PKP4: variants seen among roughly 807,000 people sequenced by gnomAD.
The protein encoded by PKP4 is plakophilin 4, also known as plakophilin-4.
In PKP4, 90 loss-of-function variants were observed where a neutral mutation model predicts 145.1. That is an observed-to-expected ratio of 0.62 (90% CI 0.52 to 0.74). The LOEUF (loss-of-function observed/expected upper bound fraction) is 0.74, where lower values mean the gene tolerates loss of function less well. Ranked by LOEUF, PKP4 falls within the 30% of genes least tolerant of loss-of-function variation. The pLI is 0.00. For missense variants in PKP4, 1,340 were observed against 1,482.7 expected (o/e 0.90, Z 1.58); for synonymous variants, 563 against 577.2 (o/e 0.98, Z 0.35).
intron 1 of PKP4, among the ~76,000 whole-genome samples, chr2:158,466,371 G>A (rs999456716): frequency 6.6e-6 from 1 of 152,074 alleles, no homozygotes; most frequent in African/African-American, 2.4e-5. Context: ...CAACTTGCTA[G>A]ATAAATAATT....
At chr2:158,582,980 T>C in intron 3 of PKP4, among the ~76,000 whole-genome samples, 1 of 152,164 alleles carries the variant, frequency 6.6e-6, no homozygotes, top group East Asian at 1.9e-4. Flanking sequence ...ATGGCTTGTG[T>C]TGCTTGTCAT....
intron 4 of PKP4, among the ~76,000 whole-genome samples, chr2:158,611,454 A>G (rs567368306): frequency 1.3e-5 from 2 of 152,348 alleles, no homozygotes; most frequent in East Asian, 3.9e-4. Flanking sequence ...GCTTTAAAAA[A>G]TAAAAATAAA....
Position 158,645,556 on chromosome 2 carries a change from G to A in PKP4, c.1909+2857G>A, listed in dbSNP as rs114127909. Among the ~76,000 whole-genome samples, 429 of 152,282 alleles carry A rather than the reference G, an allele frequency of 2.8e-3. 3 individuals are homozygous for A. The highest frequency in any genetic ancestry group is 9.7e-3 in the African/African-American group (404 of 41,570). The stretch of plus-strand genomic sequence containing the variant: ...ATAGTAACACCGTGCAGCCAGGAGG[G>A]CTGCAGTCCATCGTGTGCGCTACTC... On this transcript the variant is annotated intron_variant, in intron 11 of 21. Coordinates refer to ENST00000389759, the MANE Select transcript of PKP4 (RefSeq NM_003628.6).
At chr2:158,575,449 G>A (rs1291889966) in intron 2 of PKP4, among the ~76,000 whole-genome samples, 1 of 152,170 alleles carries the variant, frequency 6.6e-6, no homozygotes, top group East Asian at 1.9e-4. Context: ...TGTTTACAAG[G>A]TCACAGGCAG....
At chr2:158,477,737 T>A (rs1235510443) in intron 1 of PKP4, among the ~76,000 whole-genome samples, 1 of 152,138 alleles carries the variant, frequency 6.6e-6, no homozygotes, top group African/African-American at 2.4e-5. Context: ...CAACGCTACT[T>A]GGGAGGCTGA....
At chr2:158,663,242 T>A (rs1314249081) in intron 14 of PKP4, 30 bp from the exon 15 acceptor site, 1 of 1,599,804 alleles carries the variant, frequency 6.3e-7, no homozygotes, top group East Asian at 2.2e-5. Context: ...TCATTCTGCC[T>A]CCATTTAACG....
intron 1 of PKP4, among the ~76,000 whole-genome samples, chr2:158,462,041 T>A (rs989582147): frequency 6.6e-6 from 1 of 152,248 alleles, no homozygotes; most frequent in Non-Finnish European, 1.5e-5. Flanking sequence ...CAGGGTACTA[T>A]GCAGGCTTTT....
chr2:158,554,086 C>T, intron 2 of PKP4, among the ~76,000 whole-genome samples: 1 of 150,172 alleles, frequency 6.7e-6, no homozygotes, highest in South Asian at 2.1e-4. Context: ...TCAGCATTCT[C>T]CTTGCCCCCC....
chr2:158,645,080 A>C (rs1322794689), intron 11 of PKP4, among the ~76,000 whole-genome samples: 1 of 152,196 alleles, frequency 6.6e-6, no homozygotes, highest in Non-Finnish European at 1.5e-5. Flanking sequence ...TTCAAAATAC[A>C]ACATTAATAT....
At chr2:158,487,892 A>G (rs1286778766) in intron 1 of PKP4, among the ~76,000 whole-genome samples, 1 of 152,186 alleles carries the variant, frequency 6.6e-6, no homozygotes, top group Non-Finnish European at 1.5e-5. Flanking sequence ...GGGAATAAAT[A>G]TAGTCTTGAA....
intron 2 of PKP4, among the ~76,000 whole-genome samples, chr2:158,546,477 T>C (rs2045050747): frequency 1.3e-5 from 2 of 152,128 alleles, no homozygotes; most frequent in Admixed American, 6.6e-5. Flanking sequence ...TCACAAGATA[T>C]TTGGGAGTTT....
chr2:158,578,221 T>C (rs1293129721), intron 3 of PKP4: 8 of 239,684 alleles, frequency 3.3e-5, no homozygotes, highest in Non-Finnish European at 7.3e-5. Context: ...GAATTCTGTC[T>C]GTTGTTTCTG....
At chr2:158,520,110 A>G (rs776180974) in intron 1 of PKP4, among the ~76,000 whole-genome samples, 6 of 152,166 alleles carry the variant, frequency 3.9e-5, no homozygotes, top group Non-Finnish European at 8.8e-5. Context: ...GTGTTTATCA[A>G]GATAGAATTT....
At chr2:158,517,764 A>T (rs2042049009) in intron 1 of PKP4, among the ~76,000 whole-genome samples, 1 of 151,658 alleles carries the variant, frequency 6.6e-6, no homozygotes, top group South Asian at 2.1e-4. Context: ...AAAAAAAAAA[A>T]TGAAAATTAG....
intron 1 of PKP4, among the ~76,000 whole-genome samples, chr2:158,484,499 T>G (rs192127217): frequency 6.6e-6 from 1 of 152,354 alleles, no homozygotes; most frequent in Non-Finnish European, 1.5e-5. Context: ...TTCCAGGTTA[T>G]ATGCATGTTG....
chr2:158,577,506 C>G (rs779390458), intron 3 of PKP4, 123 bp downstream of exon 3: 8 of 621,600 alleles, frequency 1.3e-5, no homozygotes, highest in Non-Finnish European at 2.0e-5. Flanking sequence ...GAATTTGAAA[C>G]CAAAAATGTC....
In PKP4 at chr2:158,640,681, C is replaced by G; in HGVS notation, c.1617C>G (p.His539Gln). Reference sequence around the variant, plus strand: ...CTGAGGTCATTCACATGCTTCAGCACCAGTTCCCATCTGTTCAGGCAAATG... The same window carrying G: ...CTGAGGTCATTCACATGCTTCAGCAGCAGTTCCCATCTGTTCAGGCAAATG... ...ELPEVIHMLQHQFPSVQANAA... is the reference protein window; with the variant it reads ...ELPEVIHMLQQQFPSVQANAA... Residue 539 changes from histidine to glutamine, a missense_variant, in exon 10 of 22, where the codon CAC becomes CAG. His to Gln is a conservative substitution (Grantham distance 24). Coordinates refer to ENST00000389759, the MANE Select transcript of PKP4 (RefSeq NM_003628.6). The G allele has an allele frequency of 6.2e-7, 1 of 1,614,044 alleles. No homozygotes were observed. The highest frequency in any genetic ancestry group is 8.5e-7 in the Non-Finnish European group (1 of 1,179,968).
intron 10 of PKP4, 89 bp downstream of exon 10, chr2:158,640,848 T>G: frequency 2.2e-6 from 3 of 1,393,134 alleles, no homozygotes; most frequent in Non-Finnish European, 3.0e-6. Flanking sequence ...AATTACCCAG[T>G]GTAATTCAAG....
intron 6 of PKP4, among the ~76,000 whole-genome samples, chr2:158,621,750 CAAA>C (rs112367194): frequency 3.1e-5 from 2 of 64,492 alleles, no homozygotes; most frequent in Non-Finnish European, 3.4e-5. Context: ...CGTCTCAAAA[CAAA>C]AAAAAAAAAA....
Sources: allele counts gnomAD v4.1 joint callset (sites outside exome capture counted in the v4.1 genomes callset), GRCh38; gene constraint gnomAD v4.1.1; transcripts MANE v1.5; gene names NCBI Gene and HGNC (gene_info 2026-07-23, HGNC 2026-07-21).